Variants in USF2 observed in about 807,000 individuals in gnomAD.
USF2 encodes upstream stimulatory factor 2.
In USF2, 16 loss-of-function variants were observed where a neutral mutation model predicts 46.9. The observed-to-expected ratio is 0.34, with a 90% CI of 0.23 to 0.52. USF2 has a LOEUF of 0.52. Among genes scored for constraint, USF2 ranks in the 20% least tolerant of loss-of-function variants. The probability of loss-of-function intolerance (pLI) is 0.96; values close to 1 mark genes in which losing one functional copy is unlikely to be tolerated. For synonymous variants in USF2, 239 were observed against 194.1 expected (o/e 1.23, Z -1.92); for missense variants, 411 against 474.0 (o/e 0.87, Z 1.23).
At chr19:35,272,711 ACC>A (rs2066174437) in intron 7 of USF2, among the ~76,000 whole-genome samples, 1 of 151,252 alleles carries the variant, frequency 6.6e-6, no homozygotes, top group Non-Finnish European at 1.5e-5. Context: ...GAGGTAGGAG[ACC>A]ATACGACTGT....
chr19:35,272,239 G>A (rs1178985737), intron 7 of USF2, among the ~76,000 whole-genome samples: 6 of 152,168 alleles, frequency 3.9e-5, no homozygotes, highest in African/African-American at 7.2e-5. Flanking sequence ...CTCTGTGCGC[G>A]TTCTGGTGGG....
intron 7 of USF2, among the ~76,000 whole-genome samples, chr19:35,273,452 C>T (rs1885226641): frequency 1.3e-5 from 2 of 152,216 alleles, no homozygotes; most frequent in Admixed American, 1.3e-4. Flanking sequence ...CCAGGGCTGT[C>T]CCAGTTCCAA....
chr19:35,271,964 G>T (rs933767102), intron 7 of USF2, among the ~76,000 whole-genome samples: 1 of 152,154 alleles, frequency 6.6e-6, no homozygotes, highest in Admixed American at 6.5e-5. Context: ...ACTTTGTGGG[G>T]TGCTGGTTTG....
At chr19:35,274,504 G>T (rs2066204570) in intron 7 of USF2, among the ~76,000 whole-genome samples, 1 of 152,206 alleles carries the variant, frequency 6.6e-6, no homozygotes, top group Non-Finnish European at 1.5e-5. Context: ...TCAGGAAGGG[G>T]TGTGTGGCTG....
chr19:35,273,582 G>T (rs935034558), intron 7 of USF2, among the ~76,000 whole-genome samples: 3 of 152,108 alleles, frequency 2.0e-5, no homozygotes, highest in African/African-American at 7.2e-5. Flanking sequence ...TTTGAGAAGG[G>T]GGTCTCACTC....
intron 6 of USF2, 115 bp from the exon 7 acceptor site, chr19:35,270,968 T>A (rs745600146): frequency 3.4e-6 from 5 of 1,484,696 alleles, no homozygotes; most frequent in Non-Finnish European, 4.6e-6. Flanking sequence ...ATGTCTTTTG[T>A]TTTTGCAGAT....
Position 35,269,878 on chromosome 19 carries a change from G to A in USF2, c.304G>A (p.Val102Met). The part of the protein sequence containing the change: ...QGDTAGAVSV[V>M]STAAFAGGQQ... ...CGACACAGCTGGCGCCGTCAGCGTC[G>A]TGTCCACCGCTGCCTTCGCGGGGGG... The change falls in exon 4 of 10, where the codon GTG becomes ATG. Residue 102 changes from valine to methionine, a missense_variant. Coordinates refer to ENST00000222305, the MANE Select transcript of USF2 (RefSeq NM_003367.4). 1 of 1,416,106 alleles carries A rather than the reference G, an allele frequency of 7.1e-7. No homozygotes were observed. Among genetic ancestry groups the A allele is most frequent in the Non-Finnish European group, 9.1e-7 (1 of 1,093,560 alleles). The allele number at this position is 1,416,106 out of a possible 1,614,324, so 87.7% of individuals were successfully genotyped here.
intron 7 of USF2, among the ~76,000 whole-genome samples, chr19:35,273,523 A>C (rs2066188069): frequency 6.6e-6 from 1 of 152,118 alleles, no homozygotes; most frequent in African/African-American, 2.4e-5. Flanking sequence ...GTGATTTGTC[A>C]TAGTGGACAA....
Position 35,279,568 on chromosome 19 carries a change from C to T in USF2, c.*312C>T, listed in dbSNP as rs1052033. The T allele has an allele frequency of 0.2, 67,349 of 331,622 alleles. 7,510 individuals carry two copies. Among genetic ancestry groups the T allele is most frequent in the Non-Finnish European group, 0.22 (40,988 of 182,572 alleles). The allele number at this position is 331,622 out of a possible 1,614,324, so 20.5% of individuals were successfully genotyped here. A position where few individuals can be genotyped will look rare whatever the true frequency, so the allele number is the denominator to read the frequency against. ...AGGGGACAGAGGCCCTGCCACGTCC[C>T]GCTGCCTCCTGCTCTCTGGAGGTAC... On this transcript the variant is annotated 3_prime_UTR_variant, in exon 10 of 10. Transcript: ENST00000222305.
intron 7 of USF2, among the ~76,000 whole-genome samples, chr19:35,274,417 G>T (rs548701424): frequency 1.3e-5 from 2 of 152,050 alleles, no homozygotes; most frequent in Non-Finnish European, 2.9e-5. Context: ...CCACTTCTTG[G>T]TACTGCAGGA....
chr19:35,271,165 G>A lies in USF2; in HGVS notation c.727+24G>A, dbSNP rs766247156. 5 of 1,613,872 alleles carry A rather than the reference G, an allele frequency of 3.1e-6. No homozygotes were observed. In the South Asian group the frequency reaches 5.5e-5, roughly 18 times the overall value. ...AGGTGAGGACAAGGTGTGGCTCCGG[G>A]TCCCCCTGACCACCACCCTCACAGG... On this transcript the variant is annotated intron_variant, in intron 7 of 9. Transcript: ENST00000222305.
Position 35,279,308 on chromosome 19 carries a change from C to A in USF2, c.*52C>A. 6.9e-7 allele frequency: 1 copy of A among 1,448,340 alleles called. No individual in the cohort carries two copies. The highest frequency in any genetic ancestry group is 9.1e-7 in the Non-Finnish European group (1 of 1,100,058). The allele number at this position is 1,448,340 out of a possible 1,614,324, so 89.7% of individuals were successfully genotyped here. A position where few individuals can be genotyped will look rare whatever the true frequency, so the allele number is the denominator to read the frequency against. ...CCGCCCACGCCGGCCTCTGCTGCCC[C>A]CTTCCCCAGCCCTTAGCACAGAGAG... On this transcript the variant is annotated 3_prime_UTR_variant, in exon 10 of 10. Transcript: ENST00000222305.
intron 7 of USF2, among the ~76,000 whole-genome samples, chr19:35,271,850 G>C (rs1175871515): frequency 6.6e-6 from 1 of 152,260 alleles, no homozygotes; most frequent in African/African-American, 2.4e-5. Flanking sequence ...GCGTCAGGGA[G>C]GCTCAAAGGC....
Position 35,279,413 on chromosome 19 carries a change from G to A in USF2, c.*157G>A. On this transcript the variant is annotated 3_prime_UTR_variant, in exon 10 of 10. Transcript: ENST00000222305. ...ACGGGGAGAAATAATGCATTTCTGT[G>A]GATACAGTGCCCACCGCCCTCCTCC... 1 of 814,068 alleles carries A rather than the reference G, an allele frequency of 1.2e-6. No homozygotes were observed. The highest frequency in any genetic ancestry group is 3.4e-5 in the Admixed American group (1 of 29,030). The allele number at this position is 814,068 out of a possible 1,614,324, so 50.4% of individuals were successfully genotyped here. A position where few individuals can be genotyped will look rare whatever the true frequency, so the allele number is the denominator to read the frequency against.
chr19:35,271,355 C>A (rs137925493), intron 7 of USF2, among the ~76,000 whole-genome samples: 1 of 152,292 alleles, frequency 6.6e-6, no homozygotes, highest in East Asian at 1.9e-4. Flanking sequence ...TTGGAACTGG[C>A]CATTTGTTGA....
At chr19:35,273,721 T>C (rs931210924) in intron 7 of USF2, among the ~76,000 whole-genome samples, 2 of 151,314 alleles carry the variant, frequency 1.3e-5, no homozygotes, top group South Asian at 4.2e-4. Flanking sequence ...TCACATGGGG[T>C]AATTTTTTTT....
chr19:35,275,378 G>A (rs532897213), intron 7 of USF2: 2 of 150,694 alleles, frequency 1.3e-5, no homozygotes, highest in Non-Finnish European at 2.9e-5. Flanking sequence ...AATTTGCTAG[G>A]TTTCATGCTT....
rs2515622 is a variant in USF2 at position 35,269,719 on chromosome 19, G to A, written c.228+20G>A. 0.12 allele frequency: 148,132 copies of A among 1,284,416 alleles called. 8,659 individuals carry two copies. Among genetic ancestry groups the A allele is most frequent in the Non-Finnish European group, 0.13 (128,110 of 970,396 alleles). 79.6% of individuals were successfully genotyped at this position (1,284,416 alleles called of 1,614,324 possible). A position where few individuals can be genotyped will look rare whatever the true frequency, so the allele number is the denominator to read the frequency against. ...GGACAGGTGAGCGGCGGGCCGCGAG[G>A]GCGAACGGGCGGGCGGGCGGGCGCG... On this transcript the variant is annotated intron_variant, in intron 3 of 9. Transcript: ENST00000222305.
chr19:35,270,379 C>T, intron 4 of USF2, 68 bp from the exon 5 acceptor site: 1 of 1,562,628 alleles, frequency 6.4e-7, no homozygotes. Flanking sequence ...ACCCCAAGCA[C>T]AGCAATGAGG....
Sources: gnomAD v4.1 joint callset for allele counts (sites outside exome capture counted in the v4.1 genomes callset) on GRCh38, gnomAD v4.1.1 for gene constraint, MANE v1.5 for transcripts, NCBI Gene and HGNC (gene_info 2026-07-23, HGNC 2026-07-21) for gene names.